The following BCAS3 variants were observed in gnomAD, a reference collection of about 807,000 sequenced individuals.
BCAS3 encodes BCAS4/BCAS3 fusion.
In BCAS3, 53 loss-of-function variants were observed where a neutral mutation model predicts 116.1. The observed-to-expected ratio is 0.46, with a 90% confidence interval of 0.37 to 0.57. BCAS3 has a LOEUF of 0.57. BCAS3 is among the 20% of genes least tolerant of loss of function. BCAS3 has a pLI of 0.00. For missense variants in BCAS3, 917 were observed against 1,165.4 expected, an observed-to-expected ratio of 0.79 and a Z score of 3.10; for synonymous variants, 391 against 408.2, an observed-to-expected ratio of 0.96 and a Z score of 0.51.
At chr17:60,871,396 C>G (rs1254073113) in intron 8 of BCAS3, among the ~76,000 whole-genome samples, 1 of 152,146 alleles carries the variant, frequency 6.6e-6, no homozygotes, top group Admixed American at 6.5e-5. Flanking sequence ...TCTAGAACTC[C>G]TGGTTCAAGT....
At chr17:60,918,973 G>A (rs993620759) in intron 12 of BCAS3, among the ~76,000 whole-genome samples, 24 of 152,062 alleles carry the variant, frequency 1.6e-4, no homozygotes, top group African/African-American at 5.1e-4. Flanking sequence ...GATTACAGGC[G>A]TGAGCCACTG....
Position 61,315,004 on chromosome 17 carries a change from C to G in BCAS3, c.2426-53323C>G, listed in dbSNP as rs772745007. Among the ~76,000 whole-genome samples, 1 of 152,174 alleles carries G rather than the reference C, an allele frequency of 6.6e-6. No homozygotes were observed. On this transcript the variant is annotated intron_variant, in intron 22 of 23. Coordinates refer to ENST00000407086, the MANE Select transcript of BCAS3 (RefSeq NM_017679.5). The surrounding 1 kb of genome is among the most constrained non-coding windows in gnomAD (Gnocchi z 5.3). ...ACCGCGCTTGTCTGATGTTGGAACT[C>G]CTCTTCACCCATCCGAGGAACAGTG...
chr17:60,833,351 A>T (rs1381097174), intron 7 of BCAS3, among the ~76,000 whole-genome samples: 2 of 152,154 alleles, frequency 1.3e-5, no homozygotes, highest in African/African-American at 4.8e-5. Context: ...GTTGGCAAAA[A>T]TTTATTTTGG....
At chr17:61,038,697 C>T (rs1330324109) in intron 18 of BCAS3, among the ~76,000 whole-genome samples, 19 of 105,622 alleles carry the variant, frequency 1.8e-4, no homozygotes, top group Non-Finnish European at 6.7e-5. Context: ...TGGAGACAGT[C>T]TCGCTCTGTT....
chr17:61,330,805 T>C (rs1159413729), intron 22 of BCAS3, among the ~76,000 whole-genome samples: 7 of 152,218 alleles, frequency 4.6e-5, no homozygotes, highest in Admixed American at 3.3e-4. Context: ...ATAGCATGAC[T>C]GGGAACAAGT....
Position 61,256,824 on chromosome 17 carries a change from G to T in BCAS3, c.2426-111503G>T, listed in dbSNP as rs1282661145. On this transcript the variant is annotated intron_variant, in intron 22 of 23. Transcript: ENST00000407086. The surrounding 1 kb of genome is among the most constrained non-coding windows in gnomAD (Gnocchi z 5.6). ...CAAGGACCCAAAGTGATCTTCTCAG[G>T]CCTCAACCCCAGCCCATGCAGATGG... Among the ~76,000 whole-genome samples the T allele has an allele frequency of 6.6e-6, 1 of 152,090 alleles. No individual in the cohort carries two copies. Among genetic ancestry groups the T allele is most frequent in the Non-Finnish European group, 1.5e-5 (1 of 68,008 alleles).
intron 6 of BCAS3, among the ~76,000 whole-genome samples, chr17:60,775,099 G>T (rs1371837672): frequency 6.6e-6 from 1 of 152,126 alleles, no homozygotes; most frequent in Non-Finnish European, 1.5e-5. Context: ...AATTTCATTT[G>T]TAAGACAGTT....
intron 7 of BCAS3, among the ~76,000 whole-genome samples, chr17:60,849,456 A>G (rs2052859784): frequency 1.3e-5 from 2 of 151,888 alleles, no homozygotes; most frequent in Non-Finnish European, 2.9e-5. Flanking sequence ...TGCAGAGGAG[A>G]GTAATGGACT....
intron 7 of BCAS3, among the ~76,000 whole-genome samples, chr17:60,808,878 C>T (rs997193178): frequency 6.6e-6 from 1 of 152,066 alleles, no homozygotes; most frequent in African/African-American, 2.4e-5. Flanking sequence ...GAAGGAGCAG[C>T]ATAGGTTAGA....
At position 61,203,848 on chromosome 17, in the gene BCAS3, C is replaced by T. The variant is rs886778110; in HGVS notation, c.2425+119284C>T. Among the ~76,000 whole-genome samples the T allele has an allele frequency of 7.2e-5, 11 of 152,080 alleles. No homozygotes were observed. The highest frequency in any genetic ancestry group is 1.5e-4 in the Non-Finnish European group (10 of 68,030). ...CTCAGTTGGGACAGTCAGCACTGCC[C>T]CTGCCCCAGAGCTAATTAACTGCAT... On this transcript the variant is annotated intron_variant, in intron 22 of 23. Coordinates refer to ENST00000407086, the MANE Select transcript of BCAS3 (RefSeq NM_017679.5). This position sits in a 1 kb window ranked among gnomAD's most constrained non-coding sequence, Gnocchi z 5.7.
intron 22 of BCAS3, among the ~76,000 whole-genome samples, chr17:61,193,195 G>A (rs1209608930): frequency 1.3e-5 from 2 of 152,166 alleles, no homozygotes; most frequent in East Asian, 3.8e-4. Flanking sequence ...CCAGAAGGTA[G>A]AGGTTGCAGT....
At chr17:61,030,073 A>G (rs1321653459) in intron 16 of BCAS3, among the ~76,000 whole-genome samples, 1 of 152,148 alleles carries the variant, frequency 6.6e-6, no homozygotes, top group Non-Finnish European at 1.5e-5. Flanking sequence ...AGAATGAGAA[A>G]AAACTTCTAA....
intron 6 of BCAS3, among the ~76,000 whole-genome samples, chr17:60,784,583 G>A (rs923334640): frequency 3.4e-5 from 5 of 148,570 alleles, no homozygotes; most frequent in African/African-American, 7.5e-5. Context: ...GATTACAGGC[G>A]TGAGCCACTG....
At chr17:60,854,363 G>T (rs2144820501) in intron 7 of BCAS3, among the ~76,000 whole-genome samples, 1 of 152,302 alleles carries the variant, frequency 6.6e-6, no homozygotes, top group Admixed American at 6.5e-5. Context: ...GAACATACGT[G>T]TGCATGTGTC....
intron 12 of BCAS3, among the ~76,000 whole-genome samples, chr17:60,917,244 G>A (rs1307274799): frequency 1.3e-5 from 2 of 152,118 alleles, no homozygotes; most frequent in African/African-American, 2.4e-5. Context: ...ATCAGTACAG[G>A]CACTATCCCT....
At chr17:60,816,976 C>T (rs556743614) in intron 7 of BCAS3, among the ~76,000 whole-genome samples, 3 of 152,258 alleles carry the variant, frequency 2.0e-5, no homozygotes, top group Admixed American at 6.5e-5. Context: ...GTGCTTTCCC[C>T]CACTGGCCCC....
Position 61,097,368 on chromosome 17 carries a change from C to T in BCAS3, c.2425+12804C>T, listed in dbSNP as rs764262408. On this transcript the variant is annotated intron_variant, in intron 22 of 23. Transcript: ENST00000407086. This position sits in a 1 kb window ranked among gnomAD's most constrained non-coding sequence, Gnocchi z 4.0. ...TAATTTTTTGTATTTTTAATAGAGA[C>T]GGGATTTCACCATGTTAGCCAGGAT... is the stretch of plus-strand genomic sequence containing the variant. Among the ~76,000 whole-genome samples the T allele has an allele frequency of 2.0e-4, 31 of 152,010 alleles. No individual in the cohort carries two copies. Among genetic ancestry groups the T allele is most frequent in the Admixed American group, 4.6e-4 (7 of 15,256 alleles).
At chr17:61,092,877 CAA>C (rs969630191) in intron 22 of BCAS3, among the ~76,000 whole-genome samples, 1 of 124,114 alleles carries the variant, frequency 8.1e-6, no homozygotes, top group Non-Finnish European at 1.7e-5. Flanking sequence ...TTTTCACAAA[CAA>C]AAAAAATCTT....
chr17:60,735,246 T>A (rs1213424121), intron 5 of BCAS3, among the ~76,000 whole-genome samples: 1 of 152,136 alleles, frequency 6.6e-6, no homozygotes, highest in Non-Finnish European at 1.5e-5. Context: ...ACATAGATGA[T>A]CATGTCTTCT....
Sources: allele counts gnomAD v4.1 joint callset (sites outside exome capture counted in the v4.1 genomes callset), GRCh38; gene constraint gnomAD v4.1.1; non-coding constraint Gnocchi (gnomAD v3.1); transcripts MANE v1.5; gene names NCBI Gene and HGNC (gene_info 2026-07-23, HGNC 2026-07-21).